Variants in GUCY1A2 observed in about 807,000 individuals in gnomAD.
GUCY1A2 encodes guanylate cyclase 1 soluble subunit alpha 2.
Under a neutral mutation model 63.5 loss-of-function variants are expected in GUCY1A2, and 27 were observed. That is an observed-to-expected ratio of 0.43 (90% CI 0.31 to 0.59). GUCY1A2 has a LOEUF of 0.59. Among genes scored for constraint, GUCY1A2 ranks in the 20% least tolerant of loss-of-function variants. GUCY1A2 has a pLI of 0.11. For synonymous variants in GUCY1A2, 364 were observed against 343.5 expected, an observed-to-expected ratio of 1.06 and a Z score of -0.66; for missense variants, 768 against 913.3, an observed-to-expected ratio of 0.84 and a Z score of 2.05.
At position 106,708,429 on chromosome 11, in the gene GUCY1A2, A is replaced by G. The variant is rs955106271; in HGVS notation, c.1991+83T>C. On this transcript the variant is annotated intron_variant, in intron 7 of 7. Coordinates refer to ENST00000526355, the MANE Select transcript of GUCY1A2 (RefSeq NM_000855.3). ...ATCTTGGAGAATGACAGGATCAAGAAAAAGAACAGGGACTCACAGATGACA... is the reference window on the plus strand; with the variant it reads ...ATCTTGGAGAATGACAGGATCAAGAGAAAGAACAGGGACTCACAGATGACA... 4 of 1,101,872 alleles carry G rather than the reference A, an allele frequency of 3.6e-6. No homozygotes were observed. The African/African-American group carries it at 6.3e-5, about 17-fold the overall frequency. The allele number at this position is 1,101,872 out of a possible 1,614,324, so 68.3% of individuals were successfully genotyped here.
chr11:106,934,609 G>A (rs2119955962), intron 4 of GUCY1A2, among the ~76,000 whole-genome samples: 1 of 152,228 alleles, frequency 6.6e-6, no homozygotes, highest in East Asian at 1.9e-4. Flanking sequence ...TTTATTCTTT[G>A]AAAATTGTTT....
At chr11:106,990,431 C>T (rs1861456029) in intron 1 of GUCY1A2, among the ~76,000 whole-genome samples, 1 of 152,250 alleles carries the variant, frequency 6.6e-6, no homozygotes, top group South Asian at 2.1e-4. Flanking sequence ...GAGAAATGAT[C>T]CCTGAAGAGT....
intron 5 of GUCY1A2, among the ~76,000 whole-genome samples, chr11:106,794,600 A>G (rs1864721957): frequency 6.6e-6 from 1 of 152,108 alleles, no homozygotes; most frequent in Non-Finnish European, 1.5e-5. Context: ...ATCTATGCAT[A>G]TATCAAATTG....
chr11:106,844,403 T>C (rs1222968049), intron 4 of GUCY1A2, among the ~76,000 whole-genome samples: 2 of 151,770 alleles, frequency 1.3e-5, no homozygotes, highest in South Asian at 2.1e-4. Context: ...ACCAGACAAA[T>C]TCAGTAGTAT....
intron 3 of GUCY1A2, among the ~76,000 whole-genome samples, chr11:106,969,881 C>G (rs1452890327): frequency 6.6e-6 from 1 of 152,148 alleles, no homozygotes; most frequent in East Asian, 1.9e-4. Context: ...AGCAGCCTGA[C>G]CTAGCTGTGC....
chr11:106,827,625 T>G (rs1207147983), intron 4 of GUCY1A2: 1 of 1,527,074 alleles, frequency 6.5e-7, no homozygotes, highest in East Asian at 2.3e-5. Flanking sequence ...ACTCTTCAGT[T>G]GCTTTACGCC....
intron 6 of GUCY1A2, among the ~76,000 whole-genome samples, chr11:106,737,995 A>G (rs1863621133): frequency 6.6e-6 from 1 of 152,204 alleles, no homozygotes; most frequent in Non-Finnish European, 1.5e-5. Flanking sequence ...TGGGTGAACT[A>G]ATTTACAGTC....
intron 5 of GUCY1A2, among the ~76,000 whole-genome samples, chr11:106,808,436 A>G (rs892338030): frequency 2.0e-5 from 3 of 152,110 alleles, no homozygotes; most frequent in African/African-American, 7.2e-5. Flanking sequence ...AAGGGAATGA[A>G]TGCTTGATGT....
chr11:106,912,874 T>C (rs1466681918), intron 4 of GUCY1A2, among the ~76,000 whole-genome samples: 6 of 152,150 alleles, frequency 3.9e-5, no homozygotes, highest in African/African-American at 1.4e-4. Context: ...GTGAAAACTA[T>C]TGTTAGCCAA....
At position 106,686,103 on chromosome 11, in the gene GUCY1A2, G is replaced by A. The variant is rs1195333893; in HGVS notation, c.*1446C>T. 1 of 215,318 alleles carries A rather than the reference G, an allele frequency of 4.6e-6. No homozygotes were observed. Among genetic ancestry groups the A allele is most frequent in the Non-Finnish European group, 9.4e-6 (1 of 106,788 alleles). The allele number at this position is 215,318 out of a possible 1,614,324, so 13.3% of individuals were successfully genotyped here. On this transcript the variant is annotated 3_prime_UTR_variant, in exon 8 of 8. Transcript: ENST00000526355. ...AAAATGACCTCTCCAAGGCTTAAAG[G>A]AAACAAATGCTTCCAGCTTATTAAC...
chr11:106,768,236 C>T (rs1864196716), intron 6 of GUCY1A2, among the ~76,000 whole-genome samples: 1 of 152,182 alleles, frequency 6.6e-6, no homozygotes, highest in Admixed American at 6.6e-5. Flanking sequence ...CATCCTCCCT[C>T]CTCAGCTTCT....
At chr11:107,012,639 T>C (rs756400520) in intron 1 of GUCY1A2, among the ~76,000 whole-genome samples, 1 of 152,228 alleles carries the variant, frequency 6.6e-6, no homozygotes, top group Non-Finnish European at 1.5e-5. Context: ...CTTTCAACTC[T>C]GTCATGTTGT....
At chr11:106,751,696 A>G (rs540177373) in intron 6 of GUCY1A2, among the ~76,000 whole-genome samples, 32 of 152,304 alleles carry the variant, frequency 2.1e-4, no homozygotes, top group African/African-American at 7.7e-4. Context: ...AGTCAATATT[A>G]TATTCCCCAA....
intron 4 of GUCY1A2, among the ~76,000 whole-genome samples, chr11:106,845,804 A>G (rs1438909930): frequency 2.0e-5 from 3 of 151,682 alleles, no homozygotes; most frequent in Non-Finnish European, 3.0e-5. Context: ...AATCCATTCA[A>G]TGAAAAGTTG....
At chr11:106,999,459 T>A (rs1281815724) in intron 1 of GUCY1A2, among the ~76,000 whole-genome samples, 1 of 152,182 alleles carries the variant, frequency 6.6e-6, no homozygotes, top group Non-Finnish European at 1.5e-5. Context: ...TATTTTAGGT[T>A]TTTAAGATGT....
chr11:106,717,344 G>T (rs1863233912), intron 6 of GUCY1A2, among the ~76,000 whole-genome samples: 1 of 152,154 alleles, frequency 6.6e-6, no homozygotes, highest in Non-Finnish European at 1.5e-5. Context: ...CATTCGAAAA[G>T]ATCTAAGTTC....
intron 5 of GUCY1A2, among the ~76,000 whole-genome samples, chr11:106,788,241 T>A (rs1451857395): frequency 2.0e-5 from 3 of 152,162 alleles, no homozygotes; most frequent in Non-Finnish European, 4.4e-5. Flanking sequence ...TTAGATTTTT[T>A]TTTTTCCTAT....
intron 1 of GUCY1A2, among the ~76,000 whole-genome samples, chr11:107,013,222 T>A (rs1357358987): frequency 2.0e-5 from 3 of 152,106 alleles, no homozygotes; most frequent in Non-Finnish European, 2.9e-5. Flanking sequence ...GACATTCTGC[T>A]CTCTAAAGCT....
intron 6 of GUCY1A2, among the ~76,000 whole-genome samples, chr11:106,749,314 T>G (rs753392022): frequency 2.0e-5 from 3 of 152,112 alleles, no homozygotes; most frequent in Non-Finnish European, 4.4e-5. Flanking sequence ...ATGTATGTAT[T>G]GTCCACAAGA....
Sources: allele counts gnomAD v4.1 joint callset (sites outside exome capture counted in the v4.1 genomes callset), GRCh38; gene constraint gnomAD v4.1.1; transcripts MANE v1.5; gene names NCBI Gene and HGNC (gene_info 2026-07-23, HGNC 2026-07-21).